Variants in NPAS2 observed in about 807,000 individuals in gnomAD.
The protein encoded by NPAS2 is neuronal PAS domain-containing protein 2.
In NPAS2, 23 loss-of-function variants were observed where a neutral mutation model predicts 107.5. The observed-to-expected ratio is 0.21, with a 90% CI of 0.15 to 0.30. The LOEUF is 0.30. Ranked by LOEUF, NPAS2 falls within the 10% of genes least tolerant of loss-of-function variation. The pLI, the probability that NPAS2 is intolerant of heterozygous loss-of-function variation, is 1.00. For missense variants in NPAS2, 756 were observed against 1,043.3 expected, an observed-to-expected ratio of 0.72 and a Z score of 3.79; for synonymous variants, 403 against 417.5, an observed-to-expected ratio of 0.97 and a Z score of 0.42.
Position 100,905,537 on chromosome 2 carries a change from A to T in NPAS2, c.32+751A>T, listed in dbSNP as rs573343729. On this transcript the variant is annotated intron_variant, in intron 2 of 20. Transcript: ENST00000335681. ...ACTGTGCCATGCTCTGGGGAAAAAA[A>T]CGTGAGCAGGAAGCTCCTCAGTGGC... is the stretch of plus-strand genomic sequence containing the variant. Among the ~76,000 whole-genome samples the T allele has an allele frequency of 4.6e-5, 7 of 152,180 alleles. No homozygotes were observed. The South Asian group carries it at 1.2e-3, about 27-fold the overall frequency.
intron 4 of NPAS2, 51 bp from the exon 5 acceptor site, chr2:100,937,702 T>C (rs2104973719): frequency 1.6e-6 from 2 of 1,263,186 alleles, no homozygotes; most frequent in East Asian, 4.6e-5. Flanking sequence ...AGTGACATGC[T>C]CCTCCATAAA....
intron 1 of NPAS2, among the ~76,000 whole-genome samples, chr2:100,840,905 C>T (rs539673612): frequency 6.6e-6 from 1 of 152,214 alleles, no homozygotes; most frequent in African/African-American, 2.4e-5. Flanking sequence ...ACGGTGCTTA[C>T]CAGTCAAGTT....
Position 100,850,925 on chromosome 2 carries a change from C to T in NPAS2, c.-23+30511C>T, listed in dbSNP as rs192341740. Among the ~76,000 whole-genome samples the T allele has an allele frequency of 1.9e-3, 230 of 123,354 alleles. 1 individual carries two copies. The highest frequency in any genetic ancestry group is 7.6e-3 in the African/African-American group (225 of 29,650). 80.9% of individuals were successfully genotyped at this position (123,354 alleles called of 152,430 possible). On this transcript the variant is annotated intron_variant, in intron 1 of 20. Transcript: ENST00000335681. ...CCAAGATCGCACCATTGTACTCTAG[C>T]CTGGGCAACAAGAGTGAAACTCTGT...
At chr2:100,986,909 T>C (rs1415115354) in intron 16 of NPAS2, 2 of 152,214 alleles carry the variant, frequency 1.3e-5, no homozygotes, top group African/African-American at 4.8e-5. Flanking sequence ...AGAAGTAAAA[T>C]CTTTCTAAGC....
chr2:100,961,265 G>A (rs957871001), intron 7 of NPAS2, among the ~76,000 whole-genome samples: 1 of 152,220 alleles, frequency 6.6e-6, no homozygotes, highest in Admixed American at 6.5e-5. Context: ...GTTTGCACCT[G>A]TGTTGCCTCT....
At chr2:100,902,815 A>G (rs1370808498) in intron 1 of NPAS2, among the ~76,000 whole-genome samples, 1 of 152,196 alleles carries the variant, frequency 6.6e-6, no homozygotes, top group African/African-American at 2.4e-5. Context: ...GACAGGTGCA[A>G]TGGGAACTCA....
chr2:100,995,813 A>G lies in NPAS2; in HGVS notation c.*231A>G, dbSNP rs189099008. 3.2e-6 allele frequency: 5 copies of G among 1,539,822 alleles called. No homozygotes were observed. Among genetic ancestry groups the G allele is most frequent in the African/African-American group, 2.7e-5 (2 of 72,954 alleles). On this transcript the variant is annotated 3_prime_UTR_variant, in exon 21 of 21. Transcript: ENST00000335681. ...CCTCCGAGGTTCTTGGGCACACTCT[A>G]TAGCCATACTGGACAGGAACCAGGT...
At position 100,961,179 on chromosome 2, in the gene NPAS2, T is replaced by G. The variant is rs138205459; in HGVS notation, c.599-2879T>G. Among the ~76,000 whole-genome samples, 209 of 152,328 alleles carry G rather than the reference T, an allele frequency of 1.4e-3. 5 individuals carry two copies. The East Asian group carries it at 0.033, about 24-fold the overall frequency. ...CTAATTGAATCCTTAATTAATGTCT[T>G]TAAACTACCTTGGGATACAAAGTGC... On this transcript the variant is annotated intron_variant, in intron 7 of 20. Coordinates refer to ENST00000335681, the MANE Select transcript of NPAS2 (RefSeq NM_002518.4).
At chr2:100,950,647 G>A (rs142828056) in intron 7 of NPAS2, among the ~76,000 whole-genome samples, 105 of 152,338 alleles carry the variant, frequency 6.9e-4, no homozygotes, top group African/African-American at 1.8e-3. Context: ...TAAACCTTTA[G>A]TGTGATCCTG....
At chr2:100,904,510 A>T (rs1573587047) in intron 1 of NPAS2, among the ~76,000 whole-genome samples, 2 of 152,200 alleles carry the variant, frequency 1.3e-5, no homozygotes, top group East Asian at 3.9e-4. Context: ...GCCCAATGAA[A>T]GAGTGCCTGT....
chr2:100,939,439 G>C (rs924799080), intron 5 of NPAS2, among the ~76,000 whole-genome samples: 1 of 152,158 alleles, frequency 6.6e-6, no homozygotes, highest in Non-Finnish European at 1.5e-5. Context: ...GAAGGAGGAA[G>C]CTGAGGGTGC....
intron 1 of NPAS2, among the ~76,000 whole-genome samples, chr2:100,822,368 A>T (rs1676123284): frequency 6.6e-6 from 1 of 152,218 alleles, no homozygotes; most frequent in South Asian, 2.1e-4. Context: ...CTCTTAAAAC[A>T]GTTTGGGCCC....
chr2:100,942,648 G>T (rs1674643281), intron 5 of NPAS2, among the ~76,000 whole-genome samples: 2 of 152,116 alleles, frequency 1.3e-5, no homozygotes, highest in Admixed American at 1.3e-4. Flanking sequence ...AATAGAACAT[G>T]GCTGGGACCA....
chr2:100,922,322 G>GGTGGGTGC (rs1683278155), intron 2 of NPAS2, among the ~76,000 whole-genome samples: 1 of 152,134 alleles, frequency 6.6e-6, no homozygotes, highest in South Asian at 2.1e-4. Flanking sequence ...GCTCATGCCT[G>GGTGGGTGC]TAATCCCAGC....
chr2:100,920,071 A>C (rs1683127502), intron 2 of NPAS2, among the ~76,000 whole-genome samples: 1 of 152,158 alleles, frequency 6.6e-6, no homozygotes, highest in South Asian at 2.1e-4. Context: ...GAGAATATAG[A>C]ACAAATACTC....
intron 1 of NPAS2, among the ~76,000 whole-genome samples, chr2:100,888,150 G>A (rs1680830838): frequency 6.6e-6 from 1 of 152,202 alleles, no homozygotes; most frequent in Non-Finnish European, 1.5e-5. Context: ...GCATTAGGAT[G>A]AATTATTGCG....
chr2:100,847,935 T>C lies in NPAS2; in HGVS notation c.-23+27521T>C, dbSNP rs556741503. The stretch of plus-strand genomic sequence containing the variant: ...TGGTTTCTACTGTGTTTGGGGAAGC[T>C]ACAAGTACAGATAAAGACACTGTGA... On this transcript the variant is annotated intron_variant, in intron 1 of 20. Coordinates refer to ENST00000335681, the MANE Select transcript of NPAS2 (RefSeq NM_002518.4). Among the ~76,000 whole-genome samples the C allele has an allele frequency of 4.6e-5, 7 of 152,344 alleles. No homozygotes were observed. The East Asian group carries it at 1.4e-3, about 29-fold the overall frequency.
At chr2:100,956,098 G>A (rs1675551648) in intron 7 of NPAS2, among the ~76,000 whole-genome samples, 1 of 152,060 alleles carries the variant, frequency 6.6e-6, no homozygotes, top group Admixed American at 6.6e-5. Context: ...TAGAGATGAG[G>A]TCTCACTGTG....
rs531587734 is a variant in NPAS2 at position 100,833,965 on chromosome 2, G to T, written c.-23+13551G>T. Among the ~76,000 whole-genome samples the T allele has an allele frequency of 4.9e-4, 74 of 152,250 alleles. 1 individual carries two copies. Among genetic ancestry groups the T allele is most frequent in the Admixed American group, 2.4e-3 (36 of 15,292 alleles). On this transcript the variant is annotated intron_variant, in intron 1 of 20. Coordinates refer to ENST00000335681, the MANE Select transcript of NPAS2 (RefSeq NM_002518.4). ...GATTGGAGACACACTCCCAATTCTG[G>T]TTAATAAGCTGGTTTTGAGGTGGAA...
Sources: gnomAD v4.1 joint callset for allele counts (sites outside exome capture counted in the v4.1 genomes callset) on GRCh38, gnomAD v4.1.1 for gene constraint, MANE v1.5 for transcripts, NCBI Gene and HGNC (gene_info 2026-07-23, HGNC 2026-07-21) for gene names.